The following CNBD1 variants were observed in gnomAD, a reference collection of about 807,000 sequenced individuals.
CNBD1 encodes cyclic nucleotide-binding domain-containing protein 1.
Under a neutral mutation model 54.4 loss-of-function variants are expected in CNBD1, and 71 were observed. The observed-to-expected ratio is 1.30, with a 90% CI of 1.08 to 1.59. CNBD1 has a LOEUF of 1.59. CNBD1 is among the 40% of genes most tolerant of loss of function. The pLI, the probability that CNBD1 is intolerant of heterozygous loss-of-function variation, is 0.00. For missense variants in CNBD1, 659 were observed against 518.0 expected (o/e 1.27, Z -2.64); for synonymous variants, 182 against 170.7 (o/e 1.07, Z -0.51).
At chr8:87,059,058 C>A (rs1402125727) in intron 4 of CNBD1, among the ~76,000 whole-genome samples, 1 of 152,154 alleles carries the variant, frequency 6.6e-6, no homozygotes, top group Non-Finnish European at 1.5e-5. Context: ...ATCTCTAGGG[C>A]AGGGGCAAAA....
At chr8:87,372,442 TA>T (rs1472918470) in intron 10 of CNBD1, among the ~76,000 whole-genome samples, 1 of 151,946 alleles carries the variant, frequency 6.6e-6, no homozygotes, top group Non-Finnish European at 1.5e-5. Context: ...GGATAAAAAG[TA>T]AATACTTTAT....
At chr8:87,151,895 A>G (rs1286401169) in intron 4 of CNBD1, among the ~76,000 whole-genome samples, 1 of 152,218 alleles carries the variant, frequency 6.6e-6, no homozygotes. Flanking sequence ...TTTTACCTTG[A>G]TAATTAGAAA....
intron 2 of CNBD1, among the ~76,000 whole-genome samples, chr8:87,413,104 G>A (rs763729273): frequency 3.3e-5 from 5 of 151,978 alleles, no homozygotes; most frequent in Admixed American, 3.3e-4. Context: ...CCTAGTGAAC[G>A]ATTTGTGAGA....
intron 8 of CNBD1, among the ~76,000 whole-genome samples, chr8:87,304,109 C>T (rs1385428770): frequency 6.6e-6 from 1 of 151,960 alleles, no homozygotes; most frequent in Non-Finnish European, 1.5e-5. Flanking sequence ...CTAGAAATAC[C>T]ATTTGACCCA....
intron 8 of CNBD1, among the ~76,000 whole-genome samples, chr8:87,319,111 A>G (rs1425923279): frequency 7.9e-5 from 12 of 152,112 alleles, no homozygotes; most frequent in Admixed American, 4.6e-4. Context: ...ATATTAGGAG[A>G]GAAGTGGCCC....
intron 4 of CNBD1, among the ~76,000 whole-genome samples, chr8:86,999,326 TA>T (rs1808945316): frequency 6.6e-6 from 1 of 152,176 alleles, no homozygotes; most frequent in Non-Finnish European, 1.5e-5. Context: ...CTTCCTATGT[TA>T]CTTGTTTTCT....
intron 4 of CNBD1, among the ~76,000 whole-genome samples, chr8:87,190,384 C>CT (rs1813575777): frequency 6.6e-6 from 1 of 152,150 alleles, no homozygotes; most frequent in African/African-American, 2.4e-5. Context: ...ATTTTCATTT[C>CT]TACCATTATT....
intron 2 of CNBD1, among the ~76,000 whole-genome samples, chr8:86,891,423 C>A (rs1242124058): frequency 6.6e-6 from 1 of 152,078 alleles, no homozygotes; most frequent in African/African-American, 2.4e-5. Flanking sequence ...TCTGGGTTTT[C>A]TATCCTGTTC....
chr8:87,417,379 G>A (rs1192478914), intron 2 of CNBD1, among the ~76,000 whole-genome samples: 2 of 151,782 alleles, frequency 1.3e-5, no homozygotes, highest in Non-Finnish European at 2.9e-5. Flanking sequence ...ATGAGATTTG[G>A]GTGGGAACAC....
intron 2 of CNBD1, among the ~76,000 whole-genome samples, chr8:87,398,140 C>T (rs1204200867): frequency 1.3e-5 from 2 of 151,270 alleles, no homozygotes; most frequent in Non-Finnish European, 2.9e-5. Context: ...CTGGATTATA[C>T]CTGTGTTGTC....
At chr8:87,001,234 G>A (rs145475921) in intron 4 of CNBD1, among the ~76,000 whole-genome samples, 2,332 of 151,906 alleles carry the variant, frequency 0.015, 33 homozygotes, top group Non-Finnish European at 0.024. Flanking sequence ...TGTTTTCTTA[G>A]GTCTGCAGTG....
intron 2 of CNBD1, among the ~76,000 whole-genome samples, chr8:87,391,619 C>T (rs6997420): frequency 6.6e-6 from 1 of 151,786 alleles, no homozygotes; most frequent in African/African-American, 2.4e-5. Flanking sequence ...TTCAACAAAT[C>T]ATGCTGGGAT....
intron 1 of CNBD1, among the ~76,000 whole-genome samples, chr8:86,868,817 T>C (rs1808400247): frequency 6.6e-6 from 1 of 152,110 alleles, no homozygotes; most frequent in African/African-American, 2.4e-5. Flanking sequence ...ATACTACATG[T>C]TAGGGGGAAT....
At chr8:87,213,275 C>T (rs553429266) in intron 5 of CNBD1, among the ~76,000 whole-genome samples, 1 of 152,304 alleles carries the variant, frequency 6.6e-6, no homozygotes, top group South Asian at 2.1e-4. Context: ...CTTTGTAAAA[C>T]ACTTTGGCAA....
At chr8:87,043,689 C>T (rs1034580201) in intron 4 of CNBD1, among the ~76,000 whole-genome samples, 4 of 152,180 alleles carry the variant, frequency 2.6e-5, no homozygotes, top group South Asian at 2.1e-4. Flanking sequence ...ACTGTCTCTG[C>T]CCAATCATTC....
intron 4 of CNBD1, among the ~76,000 whole-genome samples, chr8:87,152,888 C>T (rs1812636250): frequency 6.6e-6 from 1 of 152,082 alleles, no homozygotes; most frequent in African/African-American, 2.4e-5. Context: ...ATTAGTTTCA[C>T]CTCCATTAAG....
At chr8:87,363,492 C>T (rs1350500153) in intron 10 of CNBD1, among the ~76,000 whole-genome samples, 2 of 152,172 alleles carry the variant, frequency 1.3e-5, no homozygotes, top group Non-Finnish European at 2.9e-5. Context: ...TATTTCTCCA[C>T]ATCCTCTCCA....
chr8:87,040,652 C>T (rs1488615239), intron 4 of CNBD1, among the ~76,000 whole-genome samples: 1 of 151,830 alleles, frequency 6.6e-6, no homozygotes, highest in Non-Finnish European at 1.5e-5. Context: ...TCTCCATCTC[C>T]TGACCTCGTG....
chr8:86,890,596 A>G (rs1808754233), intron 2 of CNBD1, among the ~76,000 whole-genome samples: 2 of 152,114 alleles, frequency 1.3e-5, no homozygotes, highest in African/African-American at 4.8e-5. Context: ...CTTTGGATAC[A>G]TACCCAGAAG....
Sources: allele counts gnomAD v4.1 joint callset (sites outside exome capture counted in the v4.1 genomes callset), GRCh38; gene constraint gnomAD v4.1.1; transcripts MANE v1.5; gene names NCBI Gene and HGNC (gene_info 2026-07-23, HGNC 2026-07-21).